Variants in ICA1 observed in about 807,000 individuals in gnomAD.
The protein encoded by ICA1 is islet cell autoantigen 1.
ICA1 carries 40 observed loss-of-function variants against 71.0 expected under a neutral mutation model. The observed-to-expected ratio is 0.56, with a 90% CI of 0.44 to 0.73. The LOEUF (loss-of-function observed/expected upper bound fraction) is 0.73, where lower values mean the gene tolerates loss of function less well. Ranked by LOEUF, ICA1 falls within the 30% of genes least tolerant of loss-of-function variation. ICA1 has a pLI of 0.00. For missense variants in ICA1, 578 were observed against 576.5 expected (o/e 1.00, Z -0.03); for synonymous variants, 207 against 209.5 (o/e 0.99, Z 0.10).
At chr7:8,135,748 A>G (rs1287896882) in intron 12 of ICA1, among the ~76,000 whole-genome samples, 1 of 152,248 alleles carries the variant, frequency 6.6e-6, no homozygotes, top group Non-Finnish European at 1.5e-5. Flanking sequence ...AGCAGGAGAT[A>G]AACATTTTAT....
chr7:8,159,066 G>A (rs1018710062), intron 6 of ICA1, among the ~76,000 whole-genome samples: 10 of 152,124 alleles, frequency 6.6e-5, no homozygotes, highest in African/African-American at 2.2e-4. Context: ...ACATCTTATA[G>A]AACATGCTAC....
At chr7:8,208,374 C>T (rs942463610) in intron 6 of ICA1, among the ~76,000 whole-genome samples, 3 of 151,516 alleles carry the variant, frequency 2.0e-5, no homozygotes, top group Non-Finnish European at 2.9e-5. Context: ...AAAACCCATG[C>T]TCTATTTTGT....
chr7:8,122,005 G>A (rs1402462763), intron 13 of ICA1, among the ~76,000 whole-genome samples: 3 of 152,210 alleles, frequency 2.0e-5, no homozygotes, highest in Non-Finnish European at 2.9e-5. Flanking sequence ...CACCCTGACT[G>A]CTGGGGAGGG....
At chr7:8,159,038 C>A (rs1228065668) in intron 6 of ICA1, among the ~76,000 whole-genome samples, 2 of 152,202 alleles carry the variant, frequency 1.3e-5, no homozygotes, top group Non-Finnish European at 2.9e-5. Flanking sequence ...ACCCTTCACT[C>A]AGCTTCCCCT....
At chr7:8,242,675 A>C (rs1171253293) in intron 1 of ICA1, among the ~76,000 whole-genome samples, 1 of 152,216 alleles carries the variant, frequency 6.6e-6, no homozygotes, top group East Asian at 1.9e-4. Context: ...TAGCAAGACT[A>C]ATAAAGAAGA....
intron 13 of ICA1, chr7:8,114,736 TGAG>T (rs1316817337): frequency 1.3e-5 from 2 of 152,254 alleles, no homozygotes; most frequent in Admixed American, 6.5e-5. Flanking sequence ...ATTTTCCAGA[TGAG>T]GAGAACATTT....
chr7:8,202,220 GA>G (rs1255209911), intron 6 of ICA1, among the ~76,000 whole-genome samples: 1 of 152,206 alleles, frequency 6.6e-6, no homozygotes, highest in Non-Finnish European at 1.5e-5. Context: ...TTTAGTTCCA[GA>G]AAATAAGGGG....
At chr7:8,170,755 A>G (rs931770768) in intron 6 of ICA1, among the ~76,000 whole-genome samples, 21 of 152,020 alleles carry the variant, frequency 1.4e-4, no homozygotes, top group African/African-American at 5.1e-4. Context: ...GGATACATCT[A>G]TGTACACATG....
At chr7:8,141,502 G>C (rs1481706394) in intron 10 of ICA1, among the ~76,000 whole-genome samples, 2 of 152,172 alleles carry the variant, frequency 1.3e-5, no homozygotes, top group Non-Finnish European at 2.9e-5. Context: ...TTCCCATCGT[G>C]GCTGCCCCTC....
At chr7:8,238,444 T>A (rs557185036) in intron 1 of ICA1, among the ~76,000 whole-genome samples, 1 of 152,218 alleles carries the variant, frequency 6.6e-6, no homozygotes, top group Non-Finnish European at 1.5e-5. Flanking sequence ...TGGAGAAATG[T>A]CTATGCAGGT....
chr7:8,239,910 C>G (rs142999670), intron 1 of ICA1, among the ~76,000 whole-genome samples: 1 of 152,186 alleles, frequency 6.6e-6, no homozygotes, highest in Non-Finnish European at 1.5e-5. Flanking sequence ...TTGAACTGGG[C>G]GGAACCCACT....
At chr7:8,165,161 G>A (rs1159371457) in intron 6 of ICA1, among the ~76,000 whole-genome samples, 1 of 152,152 alleles carries the variant, frequency 6.6e-6, no homozygotes, top group Non-Finnish European at 1.5e-5. Flanking sequence ...TTCATCCGAG[G>A]CTGATGAACC....
At chr7:8,238,057 T>G (rs1028487299) in intron 1 of ICA1, among the ~76,000 whole-genome samples, 1 of 152,202 alleles carries the variant, frequency 6.6e-6, no homozygotes, top group South Asian at 2.1e-4. Context: ...AAATGGCTTA[T>G]GTCGTTTTGC....
intron 1 of ICA1, among the ~76,000 whole-genome samples, chr7:8,246,323 C>T (rs1583772423): frequency 6.6e-6 from 1 of 152,188 alleles, no homozygotes; most frequent in Non-Finnish European, 1.5e-5. Flanking sequence ...CTCAAAGAAG[C>T]AGAGGCCCAA....
chr7:8,228,551 C>T, intron 4 of ICA1, 50 bp downstream of exon 4: 1 of 1,136,268 alleles, frequency 8.8e-7, no homozygotes, highest in Non-Finnish European at 1.3e-6. Context: ...GACAAAATAC[C>T]CTGCTATTTC....
chr7:8,240,604 C>G (rs1803454281), intron 1 of ICA1, among the ~76,000 whole-genome samples: 1 of 152,132 alleles, frequency 6.6e-6, no homozygotes, highest in Non-Finnish European at 1.5e-5. Context: ...TTGGTAATAA[C>G]AAACTTCTCC....
intron 6 of ICA1, among the ~76,000 whole-genome samples, chr7:8,178,324 TA>T (rs1367879174): frequency 6.6e-6 from 1 of 152,196 alleles, no homozygotes; most frequent in Non-Finnish European, 1.5e-5. Context: ...TATATACCTC[TA>T]TTACCTCACA....
intron 8 of ICA1, among the ~76,000 whole-genome samples, chr7:8,152,012 G>C (rs1798969991): frequency 6.6e-6 from 1 of 152,178 alleles, no homozygotes; most frequent in African/African-American, 2.4e-5. Flanking sequence ...GCATTTTTTA[G>C]AATTAGCCCT....
chr7:8,202,847 C>T (rs1012346323), intron 6 of ICA1, among the ~76,000 whole-genome samples: 1 of 135,494 alleles, frequency 7.4e-6, no homozygotes, highest in Non-Finnish European at 1.6e-5. Flanking sequence ...GAGGAAGAAC[C>T]AGCTATAGGC....
Sources: gnomAD v4.1 joint callset for allele counts (sites outside exome capture counted in the v4.1 genomes callset) on GRCh38, gnomAD v4.1.1 for gene constraint, MANE v1.5 for transcripts, NCBI Gene and HGNC (gene_info 2026-07-23, HGNC 2026-07-21) for gene names.